Variants in VSIG4 observed in about 807,000 individuals in gnomAD.
VSIG4 encodes the protein V-set and immunoglobulin domain-containing protein 4.
In VSIG4, 34 loss-of-function variants were observed where a neutral mutation model predicts 23.4. The observed-to-expected ratio is 1.45, with a 90% confidence interval of 1.10 to 1.93. VSIG4 has a LOEUF of 1.93. Ranked by LOEUF, VSIG4 falls within the 30% of genes most tolerant of loss-of-function variation. The pLI, the probability that VSIG4 is intolerant of heterozygous loss-of-function variation, is 0.00. For synonymous variants in VSIG4, 169 were observed against 120.3 expected (o/e 1.41, Z -2.65); for missense variants, 433 against 310.8 (o/e 1.39, Z -2.96).
At chrX:66,028,467 G>C (rs1321792241) in intron 3 of VSIG4, among the ~76,000 whole-genome samples, 1 of 110,008 alleles carries the variant, frequency 9.1e-6, no homozygotes, top group African/African-American at 3.3e-5. Context: ...AGTGGCAATG[G>C]GTGACATCAG....
chrX:66,039,953 C>G lies in VSIG4; in HGVS notation c.46G>C (p.Asp16His). The G allele has an allele frequency of 8.3e-7, 1 of 1,211,565 alleles. No homozygotes were observed. ...CCCCTTTCTGCCTTACCATAAGTGT[C>G]CACTGTTAGGTGCCCCAGGAGTAGC... ...GLLLLGHLTVDTYGRPILEVP... is the reference protein window; with the variant it reads ...GLLLLGHLTVHTYGRPILEVP... Residue 16 changes from aspartate to histidine, a missense_variant, in exon 1 of 8, where the codon GAC becomes CAC. By Grantham distance (81) the Asp-to-His change is moderately conservative. Coordinates refer to ENST00000374737, the MANE Select transcript of VSIG4 (RefSeq NM_007268.3).
chrX:66,036,330 C>T (rs2085539700), intron 1 of VSIG4, among the ~76,000 whole-genome samples: 1 of 108,549 alleles, frequency 9.2e-6, no homozygotes, highest in Non-Finnish European at 1.9e-5. Flanking sequence ...CTCATGTTTT[C>T]TGATCTCCAA....
chrX:66,033,915 G>C (rs1569243454), intron 1 of VSIG4, 85 bp from the exon 2 acceptor site: 2 of 790,892 alleles, frequency 2.5e-6, no homozygotes, highest in African/African-American at 4.2e-5. Context: ...ACCTCAAAAG[G>C]TTTCTGAGAA....
chrX:66,023,211 T>C, intron 6 of VSIG4, among the ~76,000 whole-genome samples: 1 of 109,963 alleles, frequency 9.1e-6, no homozygotes, highest in South Asian at 3.9e-4. Flanking sequence ...AGAGTCCTTG[T>C]GGGAAACTTG....
intron 1 of VSIG4, among the ~76,000 whole-genome samples, chrX:66,035,821 A>G (rs1414116550): frequency 8.9e-6 from 1 of 111,984 alleles, no homozygotes; most frequent in Non-Finnish European, 1.9e-5. Context: ...GCATTCTCAC[A>G]TTCCCCTCTT....
At position 66,033,584 on chromosome X, in the gene VSIG4, C is replaced by T. The variant is rs778039131; in HGVS notation, c.302G>A (p.Ser101Asn). The change falls in exon 2 of 8, where the codon AGC (serine) becomes AAC (asparagine). Residue 101 changes from serine (S) to asparagine (N), a missense_variant. Transcript: ENST00000374737. ...GCTCCGGTCATCCATCTCCAGGGTGCTCAATTGGAGGGATACATCTCCTGG... is the reference window on the plus strand; with the variant it reads ...GCTCCGGTCATCCATCTCCAGGGTGTTCAATTGGAGGGATACATCTCCTGG... ...KVPGDVSLQL[S>N]TLEMDDRSHY... 31 of 1,209,499 alleles carry T rather than the reference C, an allele frequency of 2.6e-5. No homozygotes were observed. The highest frequency in any genetic ancestry group is 3.5e-5 in the Non-Finnish European group (31 of 895,078).
At chrX:66,036,872 A>C (rs1231674668) in intron 1 of VSIG4, among the ~76,000 whole-genome samples, 1 of 41,062 alleles carries the variant, frequency 2.4e-5, no homozygotes, top group Non-Finnish European at 3.7e-5. Flanking sequence ...AATATATTAT[A>C]TTATATATTA....
intron 5 of VSIG4, 112 bp downstream of exon 5, chrX:66,027,337 C>A: frequency 1.6e-6 from 1 of 644,639 alleles, no homozygotes; most frequent in Non-Finnish European, 2.5e-6. Flanking sequence ...TGGCACATAG[C>A]AGGTAATGAT....
intron 1 of VSIG4, among the ~76,000 whole-genome samples, chrX:66,037,385 A>T (rs866854232): frequency 8.2e-5 from 2 of 24,508 alleles, no homozygotes; most frequent in Admixed American, 1.7e-3. Context: ...ATAATATATA[A>T]TATATATTAT....
In VSIG4 at chrX:66,022,388, C is replaced by A; in HGVS notation, c.1075G>T (p.Asp359Tyr). ...TACTCCTGTCCTATGCAGGGCTCATCAGAGTAGTTGTTGCCCAGATTCTGG... is the reference window on the plus strand; with the variant it reads ...TACTCCTGTCCTATGCAGGGCTCATAAGAGTAGTTGTTGCCCAGATTCTGG... Reference protein sequence around the residue: ...TSQNLGNNYSDEPCIGQEYQI... With the variant: ...TSQNLGNNYSYEPCIGQEYQI... Residue 359 changes from aspartate to tyrosine, a missense_variant, in exon 8 of 8, where the codon GAT becomes TAT. Coordinates refer to ENST00000374737, the MANE Select transcript of VSIG4 (RefSeq NM_007268.3). 8.2e-7 allele frequency: 1 copy of A among 1,212,124 alleles called. No individual in the cohort carries two copies. Among genetic ancestry groups the A allele is most frequent in the Non-Finnish European group, 1.1e-6 (1 of 895,598 alleles).
In VSIG4 at chrX:66,032,614, T is replaced by A. The variant is rs1344810556; in HGVS notation, c.548A>T (p.Asn183Ile). ...ISYIWYKQQT[N>I]NQEPIKVATL... is the part of the protein sequence containing the mutation. ...TGCTACTTTGATGGGTTCCTGGTTA[T>A]TAGTCTGTTGCTTATACCAAATATA... The change falls in exon 3 of 8, where the codon AAT becomes ATT. Residue 183 changes from asparagine (N) to isoleucine (I), a missense_variant. Physicochemically the swap from Asn to Ile is moderately radical, Grantham distance 149 (BLOSUM62 -3). Transcript: ENST00000374737. 2 of 1,211,582 alleles carry A rather than the reference T, an allele frequency of 1.7e-6. No individual in the cohort carries two copies. Among genetic ancestry groups the A allele is most frequent in the South Asian group, 3.5e-5 (2 of 56,972 alleles).
intron 1 of VSIG4, among the ~76,000 whole-genome samples, chrX:66,037,497 A>G (rs1190581759): frequency 1.2e-4 from 8 of 65,342 alleles, no homozygotes; most frequent in African/African-American, 5.2e-4. Flanking sequence ...ACAATATATA[A>G]TATATATTAT....
In VSIG4 at chrX:66,022,089, T is replaced by C; in HGVS notation, c.*174A>G. Reference sequence around the variant, plus strand: ...GAGCCAAATCCAGCAGCTGGCTTACTTGAGATGCATCTGGCAAATTCCAGG... The same window carrying C: ...GAGCCAAATCCAGCAGCTGGCTTACCTGAGATGCATCTGGCAAATTCCAGG... On this transcript the variant is annotated 3_prime_UTR_variant, in exon 8 of 8. Coordinates refer to ENST00000374737, the MANE Select transcript of VSIG4 (RefSeq NM_007268.3). The C allele has an allele frequency of 1.7e-6, 2 of 1,168,081 alleles. No homozygotes were observed. The highest frequency in any genetic ancestry group is 2.3e-6 in the Non-Finnish European group (2 of 873,395).
chrX:66,038,375 GGTCTATA>G (rs1255908368), intron 1 of VSIG4, among the ~76,000 whole-genome samples: 2 of 110,046 alleles, frequency 1.8e-5, no homozygotes, highest in African/African-American at 6.6e-5. Context: ...CTGAGCCTGA[GGTCTATA>G]GTATAAGATC....
chrX:66,025,266 G>T, intron 5 of VSIG4, 137 bp from the exon 6 acceptor site: 1 of 422,040 alleles, frequency 2.4e-6, no homozygotes, highest in Non-Finnish European at 4.0e-6. Context: ...TAGCTAGCCA[G>T]AGAGAAAAAA....
At position 66,033,759 on chromosome X, in the gene VSIG4, A is replaced by G; in HGVS notation, c.127T>C (p.Tyr43His). The G allele has an allele frequency of 8.3e-7, 1 of 1,211,452 alleles. No individual in the cohort carries two copies. Among genetic ancestry groups the G allele is most frequent in the Non-Finnish European group, 1.1e-6 (1 of 895,354 alleles). The change falls in exon 2 of 8, where the codon TAT (tyrosine) becomes CAT (histidine). Residue 43 changes from tyrosine (Y) to histidine (H), a missense_variant. Physicochemically the swap from Tyr to His is moderately conservative, Grantham distance 83. Coordinates refer to ENST00000374737, the MANE Select transcript of VSIG4 (RefSeq NM_007268.3). ...WKGDVNLPCT[Y>H]DPLQGYTQVL... ...TGGGTGTAGCCTTGCAGGGGGTCATAGGTGCAGGGAAGATTCACATCCCCT... is the reference window on the plus strand; with the variant it reads ...TGGGTGTAGCCTTGCAGGGGGTCATGGGTGCAGGGAAGATTCACATCCCCT...
At chrX:66,023,014 G>A (rs1048071109) in intron 6 of VSIG4, 152 bp from the exon 7 acceptor site, 4 of 585,478 alleles carry the variant, frequency 6.8e-6, no homozygotes, top group Non-Finnish European at 8.0e-6. Context: ...GAGGTATTGG[G>A]GAGGTGAATT....
rs137883289 is a variant in VSIG4 at position 66,031,582 on chromosome X, T to C, written c.694+886A>G. On this transcript the variant is annotated intron_variant, in intron 3 of 7. Coordinates refer to ENST00000374737, the MANE Select transcript of VSIG4 (RefSeq NM_007268.3). ...TCCTCAGAAGACAATAATTTTCAGA[T>C]GGTTCTGAGGGCAATTCCCTAAAAT... Among the ~76,000 whole-genome samples, 803 of 111,149 alleles carry C rather than the reference T, an allele frequency of 7.2e-3. 8 individuals are homozygous for C. The highest frequency in any genetic ancestry group is 0.024 in the African/African-American group (732 of 30,521).
At chrX:66,022,745 G>C in intron 7 of VSIG4, 96 bp downstream of exon 7, 2 of 1,201,730 alleles carry the variant, frequency 1.7e-6, no homozygotes, top group Non-Finnish European at 2.2e-6. Context: ...TTAGGATTGG[G>C]TCTGTGCCAC....
Sources: allele counts gnomAD v4.1 joint callset (sites outside exome capture counted in the v4.1 genomes callset), GRCh38; gene constraint gnomAD v4.1.1; transcripts MANE v1.5; gene names NCBI Gene and HGNC (gene_info 2026-07-23, HGNC 2026-07-21).